The following CACNA1A variants were observed in gnomAD, a reference collection of about 807,000 sequenced individuals.
CACNA1A encodes the protein voltage-dependent P/Q-type calcium channel subunit alpha-1A.
A neutral mutation model predicts 262.4 loss-of-function variants in CACNA1A; 57 were observed. That is an observed-to-expected ratio of 0.22 (90% CI 0.18 to 0.27). CACNA1A has a LOEUF of 0.27. CACNA1A is among the 10% of genes least tolerant of loss of function. The probability of loss-of-function intolerance (pLI) is 1.00; values close to 1 mark genes in which losing one functional copy is unlikely to be tolerated. For synonymous variants in CACNA1A, 1,431 were observed against 1,419.3 expected (o/e 1.01, Z -0.18); for missense variants, 2,526 against 3,562.8 (o/e 0.71, Z 7.41).
rs770902253 is a variant in CACNA1A, at chr19:13,488,500, GCAGTT to G, written c.293+17427_293+17431del. 2.2e-5 allele frequency among the ~76,000 whole-genome samples: 3 copies of G among 138,264 alleles called. No individual in the cohort carries two copies. The East Asian group carries it at 7.0e-4, about 32-fold the overall frequency. 90.7% of individuals were successfully genotyped at this position (138,264 alleles called of 152,430 possible). On this transcript the variant is annotated intron_variant, in intron 1 of 46. Coordinates refer to ENST00000360228, the MANE Select transcript of CACNA1A (RefSeq NM_001127222.2). ...TGCAACCTCCACCTCCCAGGTTCAA[GCAGTT>G]CTCCTGCCTCAGCCTCCCAAGTAGC... is the stretch of plus-strand genomic sequence containing the variant.
At chr19:13,360,973 T>A (rs1204838656) in intron 5 of CACNA1A, among the ~76,000 whole-genome samples, 2 of 151,670 alleles carry the variant, frequency 1.3e-5, no homozygotes, top group Non-Finnish European at 3.0e-5. Context: ...AACTTTATGG[T>A]CCATAATATA....
At chr19:13,420,974 C>T (rs1393991786) in intron 3 of CACNA1A, among the ~76,000 whole-genome samples, 1 of 152,214 alleles carries the variant, frequency 6.6e-6, no homozygotes, top group Admixed American at 6.5e-5. Flanking sequence ...TTCCCAGCAT[C>T]CCTAGCAGTT....
rs762804583 is a variant in CACNA1A at position 13,242,279 on chromosome 19, G to A, written c.4950+2903C>T. On this transcript the variant is annotated intron_variant, in intron 31 of 46. Coordinates refer to ENST00000360228, the MANE Select transcript of CACNA1A (RefSeq NM_001127222.2). ...GCAGGTTCTGTGCCAAGCACTTCAC[G>A]TTTCTTTCTTTCTTTTTCTTCCTTT... Among the ~76,000 whole-genome samples the A allele has an allele frequency of 3.9e-5, 6 of 152,100 alleles. No individual in the cohort carries two copies. The East Asian group carries it at 5.8e-4, about 15-fold the overall frequency.
intron 3 of CACNA1A, among the ~76,000 whole-genome samples, chr19:13,437,711 A>AG (rs1568644327): frequency 6.6e-6 from 1 of 151,050 alleles, no homozygotes; most frequent in Non-Finnish European, 1.5e-5. Flanking sequence ...AAAAAAAAAA[A>AG]AAAGAAACAA....
At position 13,207,865 on chromosome 19, in the gene CACNA1A, CTGCT is replaced by C; in HGVS notation, c.6965_6968del (p.Gln2322ArgfsTer285). The C allele has an allele frequency of 1.3e-6, 1 of 742,096 alleles. No individual in the cohort carries two copies. Among genetic ancestry groups the C allele is most frequent in the Non-Finnish European group, 1.7e-6 (1 of 579,212 alleles). The allele number at this position is 742,096 out of a possible 1,614,324, so 46.0% of individuals were successfully genotyped here. ...GGCCCGGCCTGGCCACCGCCTGCTG[CTGCT>C]GCTGCTGCTGCTGCTGCTGCTGCTG... is the stretch of plus-strand genomic sequence containing the variant. On this transcript the variant is annotated frameshift_variant, in exon 47 of 47. Transcript: ENST00000360228. LOFTEE classifies it low-confidence loss of function (END_TRUNC). The surrounding 1 kb of genome is among the most constrained non-coding windows in gnomAD (Gnocchi z 5.7).
chr19:13,467,971 A>AGTGTGT (rs57410716), intron 1 of CACNA1A, among the ~76,000 whole-genome samples: 4,282 of 150,056 alleles, frequency 0.029, 82 homozygotes, highest in Middle Eastern at 0.075. Flanking sequence ...GAGATGAGTG[A>AGTGTGT]GTGTGTGTGT....
intron 3 of CACNA1A, among the ~76,000 whole-genome samples, chr19:13,431,785 C>CA (rs527946700): frequency 1.5e-4 from 23 of 152,116 alleles, no homozygotes; most frequent in Non-Finnish European, 2.6e-4. Context: ...CACAGAAACG[C>CA]AAATAGTACA....
At chr19:13,423,313 C>A (rs752079) in intron 3 of CACNA1A, among the ~76,000 whole-genome samples, 1 of 151,960 alleles carries the variant, frequency 6.6e-6, no homozygotes, top group Non-Finnish European at 1.5e-5. Flanking sequence ...TGGCAGAGTG[C>A]GTGATGGAGG....
chr19:13,502,130 G>A (rs1982445708), intron 1 of CACNA1A, among the ~76,000 whole-genome samples: 1 of 139,424 alleles, frequency 7.2e-6, no homozygotes, highest in Non-Finnish European at 1.5e-5. Flanking sequence ...TTCTCATGCA[G>A]AAAGTTTCTC....
chr19:13,257,689 T>C, intron 27 of CACNA1A, 138 bp from the exon 28 acceptor site: 1 of 505,664 alleles, frequency 2.0e-6, no homozygotes. Context: ...GAAATTTAAG[T>C]AGTCGCTGTT....
chr19:13,256,488 T>C (rs1390826416), intron 28 of CACNA1A: 1 of 151,938 alleles, frequency 6.6e-6, no homozygotes, highest in Non-Finnish European at 1.5e-5. Flanking sequence ...GGGACTGGAT[T>C]TTCTTTCCTT....
chr19:13,233,667 T>A (rs946735790), intron 34 of CACNA1A, among the ~76,000 whole-genome samples: 4 of 152,054 alleles, frequency 2.6e-5, no homozygotes, highest in African/African-American at 9.7e-5. Flanking sequence ...AAAAACAATT[T>A]TTTTGTAGAG....
intron 6 of CACNA1A, among the ~76,000 whole-genome samples, chr19:13,355,194 T>C (rs1426696441): frequency 1.3e-5 from 2 of 152,170 alleles, no homozygotes; most frequent in Non-Finnish European, 2.9e-5. Flanking sequence ...TGCTATTAGA[T>C]GACAGAAGAC....
chr19:13,388,520 T>C (rs1234440392), intron 3 of CACNA1A, among the ~76,000 whole-genome samples: 1 of 152,068 alleles, frequency 6.6e-6, no homozygotes, highest in African/African-American at 2.4e-5. Flanking sequence ...CCTCGCAAAG[T>C]GGTGGGGTTA....
intron 3 of CACNA1A, among the ~76,000 whole-genome samples, chr19:13,407,419 T>C (rs755183598): frequency 6.6e-6 from 1 of 152,194 alleles, no homozygotes; most frequent in Non-Finnish European, 1.5e-5. Context: ...GAGATTCCTA[T>C]TTCCTTCTCT....
intron 10 of CACNA1A, among the ~76,000 whole-genome samples, chr19:13,329,600 C>A (rs530959965): frequency 6.6e-6 from 1 of 150,904 alleles, no homozygotes. Flanking sequence ...GTGATGCTCC[C>A]GCCTCAGCCT....
intron 6 of CACNA1A, among the ~76,000 whole-genome samples, chr19:13,338,399 G>A (rs1454500621): frequency 8.5e-5 from 13 of 152,082 alleles, no homozygotes; most frequent in Admixed American, 8.5e-4. Context: ...GATAGTTACT[G>A]ATCCAAGATC....
chr19:13,262,845 T>A lies in CACNA1A; in HGVS notation c.3990-12A>T, dbSNP rs1324356617. On this transcript the variant is annotated splice_polypyrimidine_tract_variant and intron_variant, in intron 24 of 46. Coordinates refer to ENST00000360228, the MANE Select transcript of CACNA1A (RefSeq NM_001127222.2). ...CTTTGCTATTGCCACTGTGGAGGAA[T>A]GTTTAGGTGGGAAGAAGGGAAGAGA... is the stretch of plus-strand genomic sequence containing the variant. The A allele has an allele frequency of 6.3e-7, 1 of 1,580,804 alleles. No individual in the cohort carries two copies. The highest frequency in any genetic ancestry group is 1.1e-5 in the South Asian group (1 of 89,496).
At chr19:13,296,667 G>T (rs768984697) in intron 19 of CACNA1A, among the ~76,000 whole-genome samples, 1 of 148,118 alleles carries the variant, frequency 6.8e-6, no homozygotes, top group Non-Finnish European at 1.5e-5. Flanking sequence ...TGGGACTACA[G>T]GCATGAGCCA....
Sources: gnomAD v4.1 joint callset for allele counts (sites outside exome capture counted in the v4.1 genomes callset) on GRCh38, gnomAD v4.1.1 for gene constraint, Gnocchi (gnomAD v3.1) non-coding constraint, MANE v1.5 for transcripts, NCBI Gene and HGNC (gene_info 2026-07-23, HGNC 2026-07-21) for gene names.